Variants in B3GAT1 observed in about 807,000 individuals in gnomAD.
The protein encoded by B3GAT1 is galactosylgalactosylxylosylprotein 3-beta-glucuronosyltransferase 1.
A neutral mutation model predicts 28.4 loss-of-function variants in B3GAT1; 11 were observed. The observed-to-expected ratio is 0.39, with a 90% CI of 0.24 to 0.64. B3GAT1 has a LOEUF of 0.64. Among genes scored for constraint, B3GAT1 ranks in the 30% least tolerant of loss-of-function variants. B3GAT1 has a pLI of 0.50. For missense variants in B3GAT1, 375 were observed against 491.0 expected (o/e 0.76, Z 2.23); for synonymous variants, 255 against 223.1 (o/e 1.14, Z -1.27).
At chr11:134,397,398 C>G (rs1367081570) in intron 1 of B3GAT1, among the ~76,000 whole-genome samples, 1 of 136,922 alleles carries the variant, frequency 7.3e-6, no homozygotes, top group Non-Finnish European at 1.5e-5. Context: ...CTCCTGTTCT[C>G]TCCTGTTCCC....
intron 2 of B3GAT1, chr11:134,385,570 G>C (rs10894807): frequency 0.6 from 90,493 of 151,320 alleles, 27,212 homozygotes; most frequent in East Asian, 0.78. Flanking sequence ...TGGGTGTCTA[G>C]GGTTCTGACC....
At chr11:134,394,467 G>C (rs535474844) in intron 1 of B3GAT1, among the ~76,000 whole-genome samples, 150 of 152,214 alleles carry the variant, frequency 9.9e-4, no homozygotes, top group Admixed American at 1.6e-3. Flanking sequence ...ACCCTCCCCT[G>C]GCCCACCCTC....
chr11:134,384,421 C>G, intron 2 of B3GAT1: 1 of 518,488 alleles, frequency 1.9e-6, no homozygotes, highest in Non-Finnish European at 3.3e-6. Flanking sequence ...TCCTTCCCAC[C>G]TTTGCAGCCC....
chr11:134,410,173 G>T (rs56330625), intron 1 of B3GAT1, among the ~76,000 whole-genome samples: 1 of 152,258 alleles, frequency 6.6e-6, no homozygotes, highest in South Asian at 2.1e-4. Flanking sequence ...CAATCCTGTT[G>T]CTGGAGCTTA....
chr11:134,382,424 CAT>C (rs1037331388), intron 4 of B3GAT1, among the ~76,000 whole-genome samples: 29 of 152,246 alleles, frequency 1.9e-4, no homozygotes, highest in South Asian at 6.2e-4. Context: ...TGTGTGCGCA[CAT>C]GTGTGCACGC....
Position 134,393,363 on chromosome 11 carries a change from G to A in B3GAT1, c.-281-5423C>T, listed in dbSNP as rs756547885. On this transcript the variant is annotated intron_variant, in intron 1 of 5. Coordinates refer to ENST00000312527, the MANE Select transcript of B3GAT1 (RefSeq NM_054025.3). The surrounding 1 kb of genome is among the most constrained non-coding windows in gnomAD (Gnocchi z 4.0). Reference sequence around the variant, plus strand: ...AAATCCGAACGACCCATCCTTGCTGGCTCTCAGCACTTCCGCTCAGCCGAC... The same window carrying A: ...AAATCCGAACGACCCATCCTTGCTGACTCTCAGCACTTCCGCTCAGCCGAC... Among the ~76,000 whole-genome samples, 2 of 152,164 alleles carry A rather than the reference G, an allele frequency of 1.3e-5. No individual in the cohort carries two copies. The highest frequency in any genetic ancestry group is 2.4e-5 in the African/African-American group (1 of 41,426).
At chr11:134,404,027 A>ATATATTTATTTATTTATT (rs1555098477) in intron 1 of B3GAT1, among the ~76,000 whole-genome samples, 10 of 106,762 alleles carry the variant, frequency 9.4e-5, no homozygotes, top group Admixed American at 1.9e-4. Context: ...ATATATATAT[A>ATATATTTATTTATTTATT]TATTTATTAT....
chr11:134,403,209 T>G (rs1944655383), intron 1 of B3GAT1, among the ~76,000 whole-genome samples: 1 of 151,802 alleles, frequency 6.6e-6, no homozygotes, highest in African/African-American at 2.4e-5. Flanking sequence ...GGAGGGGATC[T>G]CCAGGCTCTC....
At chr11:134,404,503 GAC>G (rs1448414701) in intron 1 of B3GAT1, among the ~76,000 whole-genome samples, 3 of 152,202 alleles carry the variant, frequency 2.0e-5, no homozygotes, top group African/African-American at 4.8e-5. Flanking sequence ...CATCCGTTTA[GAC>G]ACAGTCAAGG....
intron 1 of B3GAT1, among the ~76,000 whole-genome samples, chr11:134,394,699 G>A (rs1944471882): frequency 6.6e-6 from 1 of 152,230 alleles, no homozygotes; most frequent in African/African-American, 2.4e-5. Context: ...TCACGCTTGG[G>A]ACTGCTGATG....
chr11:134,408,925 C>T (rs1944793442), intron 1 of B3GAT1, among the ~76,000 whole-genome samples: 1 of 127,044 alleles, frequency 7.9e-6, no homozygotes, highest in African/African-American at 3.0e-5. Flanking sequence ...ATAGCCTCCA[C>T]CTATTCCAGT....
chr11:134,406,866 A>T (rs1335038054), intron 1 of B3GAT1, among the ~76,000 whole-genome samples: 1 of 151,738 alleles, frequency 6.6e-6, no homozygotes, highest in African/African-American at 2.4e-5. Flanking sequence ...CTGCCAAAAC[A>T]CCTGTGCAGG....
intron 1 of B3GAT1, among the ~76,000 whole-genome samples, chr11:134,399,857 G>C (rs1183700076): frequency 6.6e-6 from 1 of 152,192 alleles, no homozygotes; most frequent in Non-Finnish European, 1.5e-5. Flanking sequence ...AGCACAGCCT[G>C]GACATAAGCA....
intron 1 of B3GAT1, among the ~76,000 whole-genome samples, chr11:134,403,159 C>T (rs1269754331): frequency 6.6e-6 from 1 of 152,128 alleles, no homozygotes; most frequent in African/African-American, 2.4e-5. Flanking sequence ...CGACATGTAG[C>T]CCAAGGCACA....
chr11:134,381,844 G>A, intron 5 of B3GAT1, 80 bp downstream of exon 5: 1 of 1,186,238 alleles, frequency 8.4e-7, no homozygotes, highest in Non-Finnish European at 1.2e-6. Flanking sequence ...AAGCCCAAGA[G>A]GAAAAGAATG....
chr11:134,404,265 G>A (rs1410052171), intron 1 of B3GAT1, among the ~76,000 whole-genome samples: 1 of 150,826 alleles, frequency 6.6e-6, no homozygotes, highest in Non-Finnish European at 1.5e-5. Flanking sequence ...GTGAGAACAT[G>A]CGGTGTTTGG....
intron 1 of B3GAT1, among the ~76,000 whole-genome samples, chr11:134,406,288 C>T (rs948260237): frequency 6.6e-6 from 1 of 152,254 alleles, no homozygotes; most frequent in African/African-American, 2.4e-5. Flanking sequence ...GCCTCCTTTG[C>T]TGCTCTTATT....
At chr11:134,400,202 G>C (rs1156709561) in intron 1 of B3GAT1, among the ~76,000 whole-genome samples, 1 of 152,146 alleles carries the variant, frequency 6.6e-6, no homozygotes, top group Non-Finnish European at 1.5e-5. Flanking sequence ...TGCACACACT[G>C]TGGGACTTCC....
rs1159037449 is a variant in B3GAT1 at position 134,403,979 on chromosome 11, TTCTTTATATATATATA to T, written c.-282+7812_-282+7827del. Among the ~76,000 whole-genome samples the T allele has an allele frequency of 3.9e-4, 38 of 96,980 alleles. 2 individuals are homozygous for T. Among genetic ancestry groups the T allele is most frequent in the African/African-American group, 1.2e-3 (30 of 24,068 alleles). The allele number at this position is 96,980 out of a possible 152,430, so 63.6% of individuals were successfully genotyped here. A position where few individuals can be genotyped will look rare whatever the true frequency, so the allele number is the denominator to read the frequency against. On this transcript the variant is annotated intron_variant, in intron 1 of 5. Coordinates refer to ENST00000312527, the MANE Select transcript of B3GAT1 (RefSeq NM_054025.3). Reference sequence around the variant, plus strand: ...GTCATTTAACGGGTACAGAGTTTCTTTCTTTATATATATATATATATATATATATATATATATATAT... The same window carrying T: ...GTCATTTAACGGGTACAGAGTTTCTTTATATATATATATATATATATATAT...
Sources: allele counts gnomAD v4.1 joint callset (sites outside exome capture counted in the v4.1 genomes callset), GRCh38; gene constraint gnomAD v4.1.1; non-coding constraint Gnocchi (gnomAD v3.1); transcripts MANE v1.5; gene names NCBI Gene and HGNC (gene_info 2026-07-23, HGNC 2026-07-21).